The following OLA1 variants were observed in gnomAD, a reference collection of about 807,000 sequenced individuals.
OLA1 encodes Obg like ATPase 1.
A neutral mutation model predicts 48.4 loss-of-function variants in OLA1; 14 were observed. The observed-to-expected ratio is 0.29, with a 90% CI of 0.19 to 0.45. The LOEUF (loss-of-function observed/expected upper bound fraction) is 0.45, where lower values mean the gene tolerates loss of function less well. OLA1 is among the 20% of genes least tolerant of loss of function. OLA1 has a pLI of 1.00. For missense variants in OLA1, 325 were observed against 467.1 expected (o/e 0.70, Z 2.80); for synonymous variants, 127 against 150.4 (o/e 0.84, Z 1.14).
At chr2:174,159,941 T>G (rs1183083789) in intron 4 of OLA1, among the ~76,000 whole-genome samples, 2 of 152,086 alleles carry the variant, frequency 1.3e-5, no homozygotes, top group East Asian at 1.9e-4. Context: ...AGATCCAGTC[T>G]TGAGACTGAG....
intron 2 of OLA1, among the ~76,000 whole-genome samples, chr2:174,244,620 T>TA (rs368797598): frequency 2.0e-5 from 3 of 149,638 alleles, no homozygotes; most frequent in Non-Finnish European, 3.0e-5. Context: ...TTTATTTAAT[T>TA]AAAAAAAAAT....
intron 4 of OLA1, among the ~76,000 whole-genome samples, chr2:174,144,951 A>AAAAAAAAAAAAAAT (rs1181030817): frequency 5.0e-5 from 2 of 40,278 alleles, no homozygotes; most frequent in Admixed American, 4.5e-4. Flanking sequence ...AAAAAAAAAA[A>AAAAAAAAAAAAAAT]ATATATATAT....
At chr2:174,103,224 G>T (rs1314824410) in intron 7 of OLA1, among the ~76,000 whole-genome samples, 1 of 152,026 alleles carries the variant, frequency 6.6e-6, no homozygotes, top group Non-Finnish European at 1.5e-5. Context: ...ATAACTGGGG[G>T]TTAAGCAAAT....
intron 4 of OLA1, among the ~76,000 whole-genome samples, chr2:174,145,262 A>C (rs1394420424): frequency 1.3e-5 from 2 of 152,024 alleles, no homozygotes; most frequent in African/African-American, 2.4e-5. Context: ...TCAAAACATT[A>C]ATTTTGAGTA....
intron 4 of OLA1, among the ~76,000 whole-genome samples, chr2:174,201,208 G>A (rs372368608): frequency 3.3e-4 from 51 of 152,318 alleles, no homozygotes; most frequent in Non-Finnish European, 6.2e-4. Flanking sequence ...AACCATGAGT[G>A]TTATAGTCAA....
intron 3 of OLA1, 140 bp from the exon 4 acceptor site, chr2:174,223,300 C>G: frequency 1.3e-6 from 1 of 753,174 alleles, no homozygotes; most frequent in South Asian, 2.6e-5. Context: ...TGAATATCCA[C>G]CCCTCCCCCC....
rs562172369 is a variant in OLA1 at position 174,156,093 on chromosome 2, A to T, written c.374-14093T>A. ...ATGTATGTAAACAGCTTAGGACAGG[A>T]CCTCATACAGAGCAGGCCCTCAATG... On this transcript the variant is annotated intron_variant, in intron 4 of 10. Transcript: ENST00000284719. Among the ~76,000 whole-genome samples the T allele has an allele frequency of 3.7e-4, 56 of 152,320 alleles. No homozygotes were observed. In the South Asian group the frequency reaches 0.012, roughly 32 times the overall value.
At chr2:174,217,686 CCT>C (rs1215421212) in intron 4 of OLA1, among the ~76,000 whole-genome samples, 1 of 151,984 alleles carries the variant, frequency 6.6e-6, no homozygotes, top group Admixed American at 6.6e-5. Context: ...CTTTATAATC[CCT>C]CTCTCTGCCC....
At chr2:174,121,355 T>C (rs1685910528) in intron 7 of OLA1, among the ~76,000 whole-genome samples, 1 of 151,804 alleles carries the variant, frequency 6.6e-6, no homozygotes, top group Admixed American at 6.6e-5. Context: ...GCACAGGGGG[T>C]AGTCAATGGC....
chr2:174,162,673 T>A (rs577628195), intron 4 of OLA1, among the ~76,000 whole-genome samples: 421 of 152,336 alleles, frequency 2.8e-3, no homozygotes, highest in Non-Finnish European at 4.6e-3. Flanking sequence ...AAAATACACA[T>A]AATTATTTTC....
At chr2:174,146,917 A>C (rs929184119) in intron 4 of OLA1, among the ~76,000 whole-genome samples, 1 of 152,206 alleles carries the variant, frequency 6.6e-6, no homozygotes, top group African/African-American at 2.4e-5. Flanking sequence ...CTATCAGTCA[A>C]GAAGGTGGCC....
chr2:174,239,754 CAT>C (rs1380031149), intron 2 of OLA1, among the ~76,000 whole-genome samples: 1 of 142,618 alleles, frequency 7.0e-6, no homozygotes, highest in East Asian at 2.0e-4. Flanking sequence ...ATTAGCCTGA[CAT>C]AATAAAATGT....
At chr2:174,099,155 T>A (rs1430295744) in intron 7 of OLA1, among the ~76,000 whole-genome samples, 2 of 151,702 alleles carry the variant, frequency 1.3e-5, no homozygotes, top group African/African-American at 4.9e-5. Flanking sequence ...TTTGTTATTT[T>A]ATTTATTTTT....
At chr2:174,104,050 G>C (rs1685458680) in intron 7 of OLA1, among the ~76,000 whole-genome samples, 1 of 151,924 alleles carries the variant, frequency 6.6e-6, no homozygotes, top group Non-Finnish European at 1.5e-5. Flanking sequence ...AGCATATGCA[G>C]AGACTACTTT....
chr2:174,174,035 CAAA>C (rs112671944), intron 4 of OLA1, among the ~76,000 whole-genome samples: 8 of 135,630 alleles, frequency 5.9e-5, no homozygotes, highest in African/African-American at 1.1e-4. Flanking sequence ...CACACACACA[CAAA>C]AAAAAAAAAA....
intron 4 of OLA1, among the ~76,000 whole-genome samples, chr2:174,179,397 T>C (rs955005427): frequency 2.6e-5 from 4 of 151,946 alleles, no homozygotes; most frequent in African/African-American, 9.7e-5. Flanking sequence ...TTCATGTCCA[T>C]GTGCTAGATA....
chr2:174,094,426 A>T (rs1318219166), intron 7 of OLA1, among the ~76,000 whole-genome samples: 2 of 152,166 alleles, frequency 1.3e-5, no homozygotes, highest in Admixed American at 6.6e-5. Context: ...GAAACTGACA[A>T]GTCAATCCTA....
At chr2:174,148,134 C>T (rs1686657080) in intron 4 of OLA1, among the ~76,000 whole-genome samples, 1 of 152,188 alleles carries the variant, frequency 6.6e-6, no homozygotes, top group Admixed American at 6.5e-5. Flanking sequence ...CGCCTGTAAC[C>T]CCAGCACTTT....
chr2:174,128,095 T>A (rs1686085958), intron 5 of OLA1, among the ~76,000 whole-genome samples: 1 of 151,656 alleles, frequency 6.6e-6, no homozygotes. Context: ...AGATATAGAT[T>A]AGAAACAATC....
Sources: gnomAD v4.1 joint callset for allele counts (sites outside exome capture counted in the v4.1 genomes callset) on GRCh38, gnomAD v4.1.1 for gene constraint, MANE v1.5 for transcripts, NCBI Gene and HGNC (gene_info 2026-07-23, HGNC 2026-07-21) for gene names.